Variants in TAOK3 observed in about 807,000 individuals in gnomAD.
The protein encoded by TAOK3 is serine/threonine-protein kinase TAO3.
A neutral mutation model predicts 120.4 loss-of-function variants in TAOK3; 40 were observed. That is an observed-to-expected ratio of 0.33 (90% CI 0.26 to 0.43). TAOK3 has a LOEUF of 0.43. TAOK3 is among the 20% of genes least tolerant of loss of function. The pLI, the probability that TAOK3 is intolerant of heterozygous loss-of-function variation, is 1.00. For synonymous variants in TAOK3, 355 were observed against 387.5 expected (o/e 0.92, Z 0.99); for missense variants, 821 against 1,112.1 (o/e 0.74, Z 3.72).
chr12:118,252,424 C>A (rs530808073), intron 3 of TAOK3, among the ~76,000 whole-genome samples: 1 of 151,914 alleles, frequency 6.6e-6, no homozygotes, highest in Non-Finnish European at 1.5e-5. Context: ...CTTAAGGGGA[C>A]GGAGAGGGTT....
chr12:118,270,924 G>A (rs1252964101), intron 1 of TAOK3, among the ~76,000 whole-genome samples: 2 of 151,912 alleles, frequency 1.3e-5, no homozygotes, highest in Non-Finnish European at 2.9e-5. Context: ...TGATCCGCCC[G>A]CCTCAGCCTC....
chr12:118,348,566 T>G (rs1271737520), intron 1 of TAOK3, among the ~76,000 whole-genome samples: 1 of 151,400 alleles, frequency 6.6e-6, no homozygotes, highest in Non-Finnish European at 1.5e-5. Flanking sequence ...TTCTCCTGCC[T>G]CAACTACCCG....
chr12:118,316,465 T>C (rs367548390), intron 1 of TAOK3, among the ~76,000 whole-genome samples: 1 of 152,186 alleles, frequency 6.6e-6, no homozygotes. Flanking sequence ...CGCTCTGTCA[T>C]CCAGGCTGGA....
chr12:118,233,973 A>G (rs899919625), intron 8 of TAOK3, among the ~76,000 whole-genome samples: 2 of 152,228 alleles, frequency 1.3e-5, no homozygotes, highest in East Asian at 1.9e-4. Context: ...ATTTTCAATA[A>G]AGACTGGCTC....
intron 14 of TAOK3, among the ~76,000 whole-genome samples, chr12:118,183,746 G>T (rs1054341833): frequency 3.3e-5 from 5 of 152,240 alleles, no homozygotes; most frequent in African/African-American, 9.6e-5. Context: ...AAGTATCAGG[G>T]TTAGGGTAAT....
intron 1 of TAOK3, among the ~76,000 whole-genome samples, chr12:118,269,053 GAA>G (rs1468038068): frequency 6.6e-6 from 1 of 151,574 alleles, no homozygotes; most frequent in African/African-American, 2.4e-5. Context: ...AAAAAGAAAA[GAA>G]AGAGAGTTTC....
intron 1 of TAOK3, among the ~76,000 whole-genome samples, chr12:118,320,994 C>T (rs1483484885): frequency 2.0e-5 from 3 of 151,772 alleles, no homozygotes; most frequent in African/African-American, 7.3e-5. Context: ...TTAAGTAACA[C>T]GTAATGTGCA....
chr12:118,171,817 A>G (rs1428972753), intron 17 of TAOK3, among the ~76,000 whole-genome samples: 1 of 152,198 alleles, frequency 6.6e-6, no homozygotes, highest in Non-Finnish European at 1.5e-5. Context: ...CCGCCACTCT[A>G]TATACACAGA....
rs1030995809 is a variant in TAOK3 at position 118,163,677 on chromosome 12, T to C, written c.1900-1650A>G. Among the ~76,000 whole-genome samples the C allele has an allele frequency of 3.3e-5, 5 of 152,040 alleles. No individual in the cohort carries two copies. In the East Asian group the frequency reaches 9.7e-4, roughly 29 times the overall value. On this transcript the variant is annotated intron_variant, in intron 17 of 20. Transcript: ENST00000392533. The stretch of plus-strand genomic sequence containing the variant: ...AATGCTATAAAAGGGGTAAAGATTT[T>C]ATGCTATAAGATTTCTGAAAAGGGT...
intron 1 of TAOK3, among the ~76,000 whole-genome samples, chr12:118,338,547 G>A (rs912795374): frequency 1.3e-5 from 2 of 152,076 alleles, no homozygotes; most frequent in African/African-American, 4.8e-5. Flanking sequence ...CAGCACTTTG[G>A]GAGGCCGAGG....
chr12:118,156,612 G>C (rs1283142160), intron 19 of TAOK3, among the ~76,000 whole-genome samples: 1 of 152,084 alleles, frequency 6.6e-6, no homozygotes, highest in Non-Finnish European at 1.5e-5. Context: ...TCCTCCTCTG[G>C]ATGTTTCCCA....
intron 14 of TAOK3, among the ~76,000 whole-genome samples, chr12:118,182,934 C>T (rs2036855049): frequency 6.6e-6 from 1 of 151,926 alleles, no homozygotes; most frequent in African/African-American, 2.4e-5. Context: ...ATTTCAGCAC[C>T]TCTTGCTCAT....
chr12:118,179,737 C>T (rs572196018), intron 15 of TAOK3, among the ~76,000 whole-genome samples: 1 of 151,492 alleles, frequency 6.6e-6, no homozygotes, highest in Non-Finnish European at 1.5e-5. Context: ...CTCCGCCTCC[C>T]GGGTTCAAGT....
intron 6 of TAOK3, among the ~76,000 whole-genome samples, 169 bp from the exon 7 acceptor site, chr12:118,238,338 C>T (rs538043628): frequency 6.6e-6 from 1 of 152,084 alleles, no homozygotes; most frequent in Admixed American, 6.6e-5. Context: ...AACAGGAAAC[C>T]CAAGTATATA....
At chr12:118,239,304 T>G (rs1428792000) in intron 5 of TAOK3, 32 bp from the exon 6 acceptor site, 1 of 1,323,004 alleles carries the variant, frequency 7.6e-7, no homozygotes, top group Non-Finnish European at 1.1e-6. Flanking sequence ...TTCAGAATAA[T>G]GAAAGTTAAT....
rs543830133 is a variant in TAOK3, at chr12:118,236,704, A to T, written c.438-1033T>A. On this transcript the variant is annotated intron_variant, in intron 7 of 20. Coordinates refer to ENST00000392533, the MANE Select transcript of TAOK3 (RefSeq NM_016281.4). ...CATTGGCAGACAGAACTAAAAAAAA[A>T]TGCATTATTTATTTTTCTTCACAAC... 254 of 152,290 alleles carry T rather than the reference A, an allele frequency of 1.7e-3. 1 individual carries two copies. Among genetic ancestry groups the T allele is most frequent in the African/African-American group, 6.0e-3 (250 of 41,576 alleles). 9.4% of individuals were successfully genotyped at this position (152,290 alleles called of 1,614,324 possible). A position where few individuals can be genotyped will look rare whatever the true frequency, so the allele number is the denominator to read the frequency against.
intron 1 of TAOK3, among the ~76,000 whole-genome samples, chr12:118,340,063 T>A (rs1426481450): frequency 6.6e-6 from 1 of 152,130 alleles, no homozygotes; most frequent in Non-Finnish European, 1.5e-5. Context: ...AAATAACTAT[T>A]TTAGCAAAAA....
intron 9 of TAOK3, among the ~76,000 whole-genome samples, chr12:118,224,235 A>G (rs1018274178): frequency 6.6e-6 from 1 of 152,248 alleles, no homozygotes; most frequent in African/African-American, 2.4e-5. Context: ...TTACTAGGCC[A>G]TGGTATCTCT....
chr12:118,221,812 T>G (rs1181353696), intron 9 of TAOK3, among the ~76,000 whole-genome samples: 1 of 151,632 alleles, frequency 6.6e-6, no homozygotes, highest in African/African-American at 2.4e-5. Flanking sequence ...TTTTTTGTAT[T>G]TTTAGTAGAG....
Sources: gnomAD v4.1 joint callset for allele counts (sites outside exome capture counted in the v4.1 genomes callset) on GRCh38, gnomAD v4.1.1 for gene constraint, MANE v1.5 for transcripts, NCBI Gene and HGNC (gene_info 2026-07-23, HGNC 2026-07-21) for gene names.